MID1: variants seen among roughly 807,000 people sequenced by gnomAD.
MID1 encodes the protein E3 ubiquitin-protein ligase Midline-1.
In MID1, 7 loss-of-function variants were observed where a neutral mutation model predicts 40.4. The observed-to-expected ratio is 0.17, with a 90% CI of 0.10 to 0.33. The LOEUF is 0.33. Ranked by LOEUF, MID1 falls within the 10% of genes least tolerant of loss-of-function variation. MID1 has a pLI of 1.00. For synonymous variants in MID1, 229 were observed against 221.2 expected (o/e 1.04, Z -0.31); for missense variants, 367 against 558.5 (o/e 0.66, Z 3.46).
At chrX:10,605,818 T>C (rs2147526096) in intron 1 of MID1, among the ~76,000 whole-genome samples, 1 of 111,552 alleles carries the variant, frequency 9.0e-6, no homozygotes, top group Admixed American at 9.6e-5. Context: ...GTTGCTTGAG[T>C]TTAGTAGGCT....
intron 1 of MID1, among the ~76,000 whole-genome samples, chrX:10,611,494 A>G (rs1935735974): frequency 8.9e-6 from 1 of 111,870 alleles, no homozygotes; most frequent in Non-Finnish European, 1.9e-5. Flanking sequence ...ATGTCCCATC[A>G]GCCTCACAGT....
chrX:10,803,101 T>A (rs745862732), intron 1 of MID1, among the ~76,000 whole-genome samples: 1 of 110,891 alleles, frequency 9.0e-6, no homozygotes, highest in Non-Finnish European at 1.9e-5. Context: ...AATGATGGGA[T>A]CATTTGTACC....
chrX:10,463,312 A>C (rs1252721864), intron 7 of MID1, among the ~76,000 whole-genome samples: 1 of 112,189 alleles, frequency 8.9e-6, no homozygotes, highest in Non-Finnish European at 1.9e-5. Flanking sequence ...CGCCAGTTGA[A>C]GGCAATTAAC....
intron 1 of MID1, among the ~76,000 whole-genome samples, chrX:10,769,710 A>T (rs1286960618): frequency 2.7e-5 from 3 of 112,086 alleles, no homozygotes; most frequent in African/African-American, 6.5e-5. Context: ...AGATTAACTA[A>T]AGCTGGCCAA....
chrX:10,777,581 C>T (rs1229614010), intron 1 of MID1, among the ~76,000 whole-genome samples: 1 of 108,173 alleles, frequency 9.2e-6, no homozygotes. Flanking sequence ...ACTCTTGTTG[C>T]CCAGGCCGGA....
At chrX:10,669,178 C>T (rs1183495319) in intron 1 of MID1, among the ~76,000 whole-genome samples, 1 of 101,297 alleles carries the variant, frequency 9.9e-6, no homozygotes, top group Non-Finnish European at 2.0e-5. Context: ...GAGATTGCAC[C>T]ACTGCAGTCC....
intron 2 of MID1, among the ~76,000 whole-genome samples, chrX:10,548,519 G>C (rs185565159): frequency 8.9e-6 from 1 of 112,016 alleles, no homozygotes; most frequent in Admixed American, 9.5e-5. Flanking sequence ...CACTTTTATT[G>C]AATGTGTTAT....
intron 1 of MID1, among the ~76,000 whole-genome samples, chrX:10,671,093 C>T (rs2042984650): frequency 8.9e-6 from 1 of 111,901 alleles, no homozygotes; most frequent in African/African-American, 3.3e-5. Flanking sequence ...CTACTGATAG[C>T]CAGGCTTCTA....
chrX:10,824,075 C>T (rs934175079), intron 1 of MID1, among the ~76,000 whole-genome samples: 1 of 111,551 alleles, frequency 9.0e-6, no homozygotes, highest in Admixed American at 9.5e-5. Context: ...AACAAATAAA[C>T]CAAATAGACA....
At chrX:10,789,252 T>C (rs1211687568) in intron 1 of MID1, among the ~76,000 whole-genome samples, 1 of 112,122 alleles carries the variant, frequency 8.9e-6, no homozygotes, top group East Asian at 2.8e-4. Flanking sequence ...TTTACAATTA[T>C]ATGACAATGA....
intron 5 of MID1, among the ~76,000 whole-genome samples, chrX:10,482,084 G>C (rs941790857): frequency 4.5e-5 from 5 of 111,770 alleles, no homozygotes; most frequent in Non-Finnish European, 9.4e-5. Context: ...TGAGCCCTGT[G>C]ATGGAAGAAA....
At chrX:10,475,120 C>A in intron 5 of MID1, 1 of 336,882 alleles carries the variant, frequency 3.0e-6, no homozygotes, top group Non-Finnish European at 5.8e-6. Context: ...CTTCACACAT[C>A]TGTCTGGGAA....
chrX:10,503,218 C>T (rs1264877891), intron 3 of MID1, among the ~76,000 whole-genome samples: 4 of 111,703 alleles, frequency 3.6e-5, no homozygotes, highest in African/African-American at 9.8e-5. Context: ...AAAAGTTAGA[C>T]AGAGCTGCCA....
chrX:10,504,222 T>G (rs955430626), intron 3 of MID1, among the ~76,000 whole-genome samples: 5 of 110,284 alleles, frequency 4.5e-5, no homozygotes, highest in Admixed American at 2.9e-4. Context: ...TCAAGTTCCC[T>G]ACCTGCATAA....
At chrX:10,738,949 C>CAA (rs377057937) in intron 1 of MID1, among the ~76,000 whole-genome samples, 7 of 65,875 alleles carry the variant, frequency 1.1e-4, no homozygotes, top group African/African-American at 3.5e-4. Context: ...CTACTAAAGG[C>CAA]AAAAAAAAAA....
At chrX:10,530,277 A>AT (rs1358330700) in intron 2 of MID1, among the ~76,000 whole-genome samples, 2 of 111,715 alleles carry the variant, frequency 1.8e-5, no homozygotes, top group Non-Finnish European at 3.8e-5. Flanking sequence ...TCCCCAAGTG[A>AT]TTTTTTCATA....
rs2044032867 is a variant in MID1 at position 10,804,946 on chromosome X, A to AT, written c.-187+28607dup. Among the ~76,000 whole-genome samples, 4 of 110,890 alleles carry AT rather than the reference A, an allele frequency of 3.6e-5. No homozygotes were observed. The South Asian group carries it at 1.2e-3, about 32-fold the overall frequency. On this transcript the variant is annotated intron_variant, in intron 1 of 10. Coordinates refer to the MID1 transcript ENST00000380785. Reference sequence around the variant, plus strand: ...CTTGCTCTGGCCAAGCACTAAGTAAATTTTTTCTAATCTTCACCATGAGAA... The same window carrying AT: ...CTTGCTCTGGCCAAGCACTAAGTAAATTTTTTTCTAATCTTCACCATGAGAA...
intron 1 of MID1, among the ~76,000 whole-genome samples, chrX:10,644,507 T>G (rs1465806709): frequency 1.8e-5 from 2 of 110,797 alleles, no homozygotes; most frequent in Non-Finnish European, 3.8e-5. Flanking sequence ...ATAAATATTC[T>G]GATACTCAAA....
chrX:10,661,690 T>C (rs112034376), intron 1 of MID1, among the ~76,000 whole-genome samples: 5,307 of 111,897 alleles, frequency 0.047, 203 homozygotes, highest in African/African-American at 0.13. Context: ...ATATATTTTT[T>C]CTACTTGTAG....
Sources: allele counts gnomAD v4.1 joint callset (sites outside exome capture counted in the v4.1 genomes callset), GRCh38; gene constraint gnomAD v4.1.1; transcripts MANE v1.5; gene names NCBI Gene and HGNC (gene_info 2026-07-23, HGNC 2026-07-21).